The following SYNPR variants were observed in gnomAD, a reference collection of about 807,000 sequenced individuals.
The protein encoded by SYNPR is synaptoporin.
SYNPR carries 23 observed loss-of-function variants against 32.9 expected under a neutral mutation model. The ratio of observed to expected loss-of-function variants is 0.70; its 90% CI spans 0.50 to 0.99. The LOEUF is 0.99. Ranked by LOEUF, SYNPR falls within the 50% of genes least tolerant of loss-of-function variation. The pLI, the probability that SYNPR is intolerant of heterozygous loss-of-function variation, is 0.00. For missense variants in SYNPR, 318 were observed against 349.3 expected, an observed-to-expected ratio of 0.91 and a Z score of 0.71; for synonymous variants, 146 against 135.9, an observed-to-expected ratio of 1.07 and a Z score of -0.52.
At chr3:63,247,912 G>C (rs1210097853) in intron 1 of SYNPR, among the ~76,000 whole-genome samples, 1 of 152,126 alleles carries the variant, frequency 6.6e-6, no homozygotes, top group Non-Finnish European at 1.5e-5. Flanking sequence ...ACATGGGGCA[G>C]AGAATCAGGA....
At chr3:63,577,472 T>G (rs1703004403) in intron 4 of SYNPR, among the ~76,000 whole-genome samples, 1 of 152,050 alleles carries the variant, frequency 6.6e-6, no homozygotes, top group East Asian at 1.9e-4. Flanking sequence ...GGGAACTGTT[T>G]TTTTGGAAGG....
chr3:63,247,575 A>G (rs1340970492), intron 1 of SYNPR, among the ~76,000 whole-genome samples: 2 of 152,056 alleles, frequency 1.3e-5, no homozygotes, highest in African/African-American at 4.8e-5. Flanking sequence ...CGCCCAGTGT[A>G]TGTATACCTG....
intron 3 of SYNPR, among the ~76,000 whole-genome samples, chr3:63,529,356 C>T (rs7642753): frequency 0.4 from 60,323 of 152,098 alleles, 12,301 homozygotes; most frequent in African/African-American, 0.5. Flanking sequence ...GTGTTATTTT[C>T]ATTGTGGTAC....
upstream of SYNPR, among the ~76,000 whole-genome samples, chr3:63,277,515 A>T (rs2086587734): frequency 6.6e-6 from 1 of 152,206 alleles, no homozygotes; most frequent in Admixed American, 6.5e-5. Context: ...ATCAGGCAAA[A>T]GATCTCAGTA....
chr3:63,283,588 C>T (rs9826674), intron 2 of SYNPR, among the ~76,000 whole-genome samples: 1,526 of 147,996 alleles, frequency 0.01, 35 homozygotes, highest in African/African-American at 0.036. Flanking sequence ...CTCTGGAAAA[C>T]TAAGTTGGCA....
intron 4 of SYNPR, among the ~76,000 whole-genome samples, chr3:63,598,932 C>T (rs879276689): frequency 6.6e-6 from 1 of 152,202 alleles, no homozygotes; most frequent in Non-Finnish European, 1.5e-5. Flanking sequence ...CTTGTTTGAA[C>T]CATCAGAAGA....
chr3:63,334,515 AGT>A (rs138498529), intron 2 of SYNPR, among the ~76,000 whole-genome samples: 8,908 of 149,200 alleles, frequency 0.06, 618 homozygotes, highest in African/African-American at 0.18. Context: ...GTCTCAATGA[AGT>A]GTGTGTGTGT....
chr3:63,463,996 C>T (rs940624023), intron 2 of SYNPR, among the ~76,000 whole-genome samples: 4 of 152,026 alleles, frequency 2.6e-5, no homozygotes, highest in South Asian at 2.1e-4. Context: ...TTGTCTCTTA[C>T]GTAACCACTT....
intron 2 of SYNPR, among the ~76,000 whole-genome samples, chr3:63,432,081 A>T (rs1260403721): frequency 6.6e-6 from 1 of 152,148 alleles, no homozygotes; most frequent in Non-Finnish European, 1.5e-5. Context: ...GGATAAATTC[A>T]CCTGCTTCCC....
At chr3:63,244,721 T>C (rs1285035369) in intron 1 of SYNPR, among the ~76,000 whole-genome samples, 1 of 152,122 alleles carries the variant, frequency 6.6e-6, no homozygotes, top group African/African-American at 2.4e-5. Flanking sequence ...GGACTATCAA[T>C]CTATTGAGCT....
At chr3:63,563,465 C>A (rs1161980850) in intron 4 of SYNPR, among the ~76,000 whole-genome samples, 6 of 152,108 alleles carry the variant, frequency 3.9e-5, no homozygotes, top group Admixed American at 3.9e-4. Flanking sequence ...ATACAGAAAT[C>A]AGATTTTGCA....
chr3:63,478,670 G>C (rs1173779451), intron 2 of SYNPR, among the ~76,000 whole-genome samples: 3 of 152,144 alleles, frequency 2.0e-5, no homozygotes, highest in Admixed American at 2.0e-4. Context: ...AATTGGAAGA[G>C]GGTAGCATGT....
At chr3:63,264,054 T>A (rs2086460902) in intron 2 of SYNPR, among the ~76,000 whole-genome samples, 1 of 152,156 alleles carries the variant, frequency 6.6e-6, no homozygotes, top group Non-Finnish European at 1.5e-5. Context: ...AGCCCTTACA[T>A]GTCATCTAAG....
intron 2 of SYNPR, among the ~76,000 whole-genome samples, chr3:63,288,263 C>A (rs539726677): frequency 6.6e-6 from 1 of 152,314 alleles, no homozygotes; most frequent in African/African-American, 2.4e-5. Context: ...AAACATTCCC[C>A]TTTTGTCTCT....
rs867683248 is a variant in SYNPR at position 63,522,107 on chromosome 3, C to G, written c.210-34436C>G. ...TAAGAATAACAATTGTACATAAACT[C>G]ATGGACTTACTGAGTTAAGTAAATA... On this transcript the variant is annotated intron_variant, in intron 3 of 5. Coordinates refer to ENST00000478300, the MANE Select transcript of SYNPR (RefSeq NM_001130003.2). Among the ~76,000 whole-genome samples the G allele has an allele frequency of 3.3e-5, 5 of 152,222 alleles. No homozygotes were observed. The South Asian group carries it at 6.2e-4, about 19-fold the overall frequency.
chr3:63,526,800 T>A (rs1266831950), intron 3 of SYNPR, among the ~76,000 whole-genome samples: 1 of 152,052 alleles, frequency 6.6e-6, no homozygotes, highest in Non-Finnish European at 1.5e-5. Flanking sequence ...AGCCTGGAAA[T>A]GAGGGGAATA....
At chr3:63,335,176 A>C (rs2087274179) in intron 2 of SYNPR, among the ~76,000 whole-genome samples, 1 of 152,112 alleles carries the variant, frequency 6.6e-6, no homozygotes, top group South Asian at 2.1e-4. Context: ...AACACGGTGA[A>C]ACCTCGTCTC....
At chr3:63,564,445 T>C (rs1267957305) in intron 4 of SYNPR, among the ~76,000 whole-genome samples, 1 of 151,828 alleles carries the variant, frequency 6.6e-6, no homozygotes, top group African/African-American at 2.4e-5. Context: ...TCCACCTGCC[T>C]CAGCCTCCCA....
intron 2 of SYNPR, among the ~76,000 whole-genome samples, chr3:63,265,821 G>A (rs2086481316): frequency 6.6e-6 from 1 of 152,122 alleles, no homozygotes; most frequent in Non-Finnish European, 1.5e-5. Flanking sequence ...TTTATGTTGA[G>A]TAGACATTCA....
Sources: allele counts gnomAD v4.1 joint callset (sites outside exome capture counted in the v4.1 genomes callset), GRCh38; gene constraint gnomAD v4.1.1; transcripts MANE v1.5; gene names NCBI Gene and HGNC (gene_info 2026-07-23, HGNC 2026-07-21).